PIGQ: variants seen among roughly 807,000 people sequenced by gnomAD.
PIGQ encodes phosphatidylinositol glycan anchor biosynthesis class Q.
In PIGQ, 54 loss-of-function variants were observed where a neutral mutation model predicts 60.3. That is an observed-to-expected ratio of 0.90 (90% confidence interval 0.72 to 1.12). The LOEUF (loss-of-function observed/expected upper bound fraction) is 1.12. PIGQ is among the 50% of genes most tolerant of loss of function. The pLI, the probability that PIGQ is intolerant of heterozygous loss-of-function variation, is 0.00. For missense variants in PIGQ, 799 were observed against 793.5 expected (o/e 1.01, Z -0.08); for synonymous variants, 416 against 363.7 (o/e 1.14, Z -1.64).
In PIGQ at chr16:581,371, CCCCGTCCACTCAACAGCACAGCCTGCG is replaced by C. The variant is rs552088954; in HGVS notation, c.1531+407_1531+433del. ...GTGCCCCGTCCGCTGTGCCGGAAAA[CCCCGTCCACTCAACAGCACAGCCTGCG>C]CCCGTCCCTCACTGGGGCTCTTCCC... On this transcript the variant is annotated intron_variant, in intron 9 of 10. Coordinates refer to ENST00000321878, the MANE Select transcript of PIGQ (RefSeq NM_004204.5). 4.5e-4 allele frequency: 535 copies of C among 1,182,542 alleles called. 9 individuals carry two copies. The South Asian group carries it at 8.2e-3, about 18-fold the overall frequency. The allele number at this position is 1,182,542 out of a possible 1,614,324, so 73.3% of individuals were successfully genotyped here.
rs750144509 is a variant in PIGQ, at chr16:578,540, C to G, written c.1069+35C>G. The stretch of plus-strand genomic sequence containing the variant: ...GGGCAGGCGGGGGCCCCAGGGACCC[C>G]AGAGCTTGCTGAAGAGGGTAGGGAC... On this transcript the variant is annotated intron_variant, in intron 5 of 10. Coordinates refer to ENST00000321878, the MANE Select transcript of PIGQ (RefSeq NM_004204.5). The G allele has an allele frequency of 1.2e-5, 19 of 1,600,982 alleles. No homozygotes were observed. In the Admixed American group the frequency reaches 1.5e-4, roughly 13 times the overall value.
At chr16:580,388 C>T (rs1278263656) in intron 8 of PIGQ, 125 bp downstream of exon 8, 1 of 707,854 alleles carries the variant, frequency 1.4e-6, no homozygotes, top group Non-Finnish European at 2.4e-6. Context: ...GGTGGCCTTT[C>T]AGGACCCTCT....
chr16:572,618 CTAA>C lies in PIGQ; in HGVS notation c.-9-1447_-9-1445del, dbSNP rs1489733091. On this transcript the variant is annotated intron_variant, in intron 1 of 10. Transcript: ENST00000321878. ...GGCATCCTGGTCTGTTCCCTCATCC[CTAA>C]GGGCGTGGTGGGCTCTGAGACCTCC... 74 of 452,950 alleles carry C rather than the reference CTAA, an allele frequency of 1.6e-4. 2 individuals are homozygous for C. Among genetic ancestry groups the C allele is most frequent in the South Asian group, 8.8e-4 (56 of 63,486 alleles). The allele number at this position is 452,950 out of a possible 1,614,324, so 28.1% of individuals were successfully genotyped here. A position where few individuals can be genotyped will look rare whatever the true frequency, so the allele number is the denominator to read the frequency against.
At chr16:580,384 CT>C in intron 8 of PIGQ, 121 bp downstream of exon 8, 4 of 715,198 alleles carry the variant, frequency 5.6e-6, no homozygotes, top group Non-Finnish European at 9.5e-6. Flanking sequence ...CGTGGGTGGC[CT>C]TTCAGGACCC....
At chr16:579,003 G>A (rs1596385823) in intron 6 of PIGQ, 65 bp downstream of exon 6, 7 of 1,461,578 alleles carry the variant, frequency 4.8e-6, no homozygotes, top group South Asian at 1.2e-5. Context: ...CTGGGCGGGC[G>A]TTCGAGTGGG....
chr16:575,036 C>T (rs1034701944), intron 2 of PIGQ, among the ~76,000 whole-genome samples: 1 of 152,164 alleles, frequency 6.6e-6, no homozygotes, highest in Non-Finnish European at 1.5e-5. Context: ...ACCTCAGTGG[C>T]TTAGGTCCCT....
rs552295452 is a variant in PIGQ, at chr16:578,288, C to T, written c.943-91C>T. 114 of 1,387,362 alleles carry T rather than the reference C, an allele frequency of 8.2e-5. No individual in the cohort carries two copies. The East Asian group carries it at 2.8e-3, about 34-fold the overall frequency. 85.9% of individuals were successfully genotyped at this position (1,387,362 alleles called of 1,614,324 possible). ...AGACCCTGGAGGAGGGAAGGCTGGC[C>T]AAGGTGGGAGCCCATCACGAAAGAG... On this transcript the variant is annotated intron_variant, in intron 4 of 10. Transcript: ENST00000321878.
chr16:580,192 G>A lies in PIGQ; in HGVS notation c.1345G>A (p.Gly449Arg), dbSNP rs1361495767. Reference protein sequence around the residue: ...CSYDLDQLFIGTLLFTILLFL... With the variant: ...CSYDLDQLFIRTLLFTILLFL... ...TGGCCCCTCCCTACAGCTGTTCATC[G>A]GGACTCTGCTCTTCACCATCCTGCT... The change falls in exon 8 of 11, where the codon GGG (glycine) becomes AGG (arginine). Residue 449 changes from glycine (G) to arginine (R), a missense_variant. Coordinates refer to ENST00000321878, the MANE Select transcript of PIGQ (RefSeq NM_004204.5). The A allele has an allele frequency of 2.7e-5, 44 of 1,611,550 alleles. No homozygotes were observed. Among genetic ancestry groups the A allele is most frequent in the South Asian group, 3.3e-5 (3 of 90,866 alleles).
rs1322558646 is a variant in PIGQ at position 580,390 on chromosome 16, G to A, written c.1416+127G>A. 11 of 691,902 alleles carry A rather than the reference G, an allele frequency of 1.6e-5. No homozygotes were observed. The African/African-American group carries it at 2.0e-4, about 12-fold the overall frequency. The allele number at this position is 691,902 out of a possible 1,614,324, so 42.9% of individuals were successfully genotyped here. On this transcript the variant is annotated intron_variant, in intron 8 of 10. Coordinates refer to ENST00000321878, the MANE Select transcript of PIGQ (RefSeq NM_004204.5). ...TGCAGGCCACGTGGGTGGCCTTTCA[G>A]GACCCTCTGGGCAGTGAGTGCTGCG... is the stretch of plus-strand genomic sequence containing the variant.
Position 575,976 on chromosome 16 carries a change from G to T in PIGQ, c.821+6G>T. 6.3e-7 allele frequency: 1 copy of T among 1,579,268 alleles called. No homozygotes were observed. The highest frequency in any genetic ancestry group is 8.6e-7 in the Non-Finnish European group (1 of 1,162,962). Reference sequence around the variant, plus strand: ...AACCCTGCCCAGCTGATGAGGTGTGGGCCTGCCCTGGTCTCTGCAGGGCTG... The same window carrying T: ...AACCCTGCCCAGCTGATGAGGTGTGTGCCTGCCCTGGTCTCTGCAGGGCTG... On this transcript the variant is annotated splice_donor_region_variant and intron_variant, in intron 3 of 10. Coordinates refer to ENST00000321878, the MANE Select transcript of PIGQ (RefSeq NM_004204.5).
In PIGQ at chr16:578,759, C is replaced by A. The variant is rs758153909; in HGVS notation, c.1070-26C>A. ...GCCGAGGGCTGGGGTCTGAGCGCCT[C>A]CTGAGGGCCTACCCCACCCTGCCAG... On this transcript the variant is annotated intron_variant, in intron 5 of 10. Coordinates refer to ENST00000321878, the MANE Select transcript of PIGQ (RefSeq NM_004204.5). 19 of 1,609,440 alleles carry A rather than the reference C, an allele frequency of 1.2e-5. No individual in the cohort carries two copies. The East Asian group carries it at 4.2e-4, about 36-fold the overall frequency.
chr16:575,006 C>T (rs1276324026), intron 2 of PIGQ, among the ~76,000 whole-genome samples: 2 of 152,186 alleles, frequency 1.3e-5, no homozygotes, highest in Non-Finnish European at 2.9e-5. Flanking sequence ...AGGGGCCCTC[C>T]CAGAAGGTGT....
rs373040276 is a variant in PIGQ, at chr16:574,653, G to A, written c.579G>A (p.Ser193=). The A allele has an allele frequency of 3.6e-5, 58 of 1,607,446 alleles. No individual in the cohort carries two copies. The highest frequency in any genetic ancestry group is 3.3e-4 in the African/African-American group (25 of 74,840). ...CCGTGCGGCTGAGCCACTGGCAGTCGGAGGGCGTGGAGGCCAGCATCCTCG... is the reference window on the plus strand; with the variant it reads ...CCGTGCGGCTGAGCCACTGGCAGTCAGAGGGCGTGGAGGCCAGCATCCTCG... ...EGPVRLSHWQ[S]EGVEASILAE... The change falls in exon 2 of 11, where the codon TCG becomes TCA. Residue 193 remains serine (S), a synonymous_variant. Transcript: ENST00000321878.
In PIGQ at chr16:583,458, C is replaced by T; in HGVS notation, c.*423C>T. ...TGCCCTGGCTGTGGGGGTGGAGGGA[C>T]CTTGCCAGGATGAACCCCCCAGTCC... On this transcript the variant is annotated 3_prime_UTR_variant, in exon 11 of 11. Coordinates refer to ENST00000321878, the MANE Select transcript of PIGQ (RefSeq NM_004204.5). The T allele has an allele frequency of 6.2e-7, 1 of 1,612,654 alleles. No individual in the cohort carries two copies.
intron 2 of PIGQ, 105 bp downstream of exon 2, chr16:574,868 G>A: frequency 1.1e-6 from 1 of 942,998 alleles, no homozygotes; most frequent in Non-Finnish European, 1.5e-6. Context: ...CTCTTCCTGG[G>A]CCCGGGCCCC....
Position 579,118 on chromosome 16 carries a change from C to T in PIGQ, c.1273C>T (p.Arg425Trp), listed in dbSNP as rs748937327. ...CCTGTCCTCACTGTGGCGTCTGTTC[C>T]GGGGGAAGAAGTGGAACGTTCTGCG... is the stretch of plus-strand genomic sequence containing the variant. Reference protein sequence around the residue: ...HGLSSLWRLFRGKKWNVLRQR... With the variant: ...HGLSSLWRLFWGKKWNVLRQR... The change falls in exon 7 of 11, where the codon CGG becomes TGG. Residue 425 changes from arginine to tryptophan, a missense_variant. Physicochemically the swap from Arg to Trp is moderately radical, Grantham distance 101 (BLOSUM62 -3). Transcript: ENST00000321878. The T allele has an allele frequency of 5.0e-6, 8 of 1,612,866 alleles. No individual in the cohort carries two copies. Among genetic ancestry groups the T allele is most frequent in the Middle Eastern group, 1.6e-4 (1 of 6,084 alleles).
At chr16:576,429 C>T in intron 4 of PIGQ, 175 bp downstream of exon 4, 1 of 767,688 alleles carries the variant, frequency 1.3e-6, no homozygotes, top group Non-Finnish European at 2.0e-6. Context: ...GCGCTGGGGC[C>T]TGGGCAGGGC....
In PIGQ at chr16:583,159, A is replaced by G. The variant is rs1567178475; in HGVS notation, c.*124A>G. 2 of 1,613,288 alleles carry G rather than the reference A, an allele frequency of 1.2e-6. No individual in the cohort carries two copies. The highest frequency in any genetic ancestry group is 1.3e-5 in the African/African-American group (1 of 75,026). ...TGGACGCTGCTGTGTGCTCCTGAAC[A>G]CGGCAGGCCCTGCTATCACACCTTG... On this transcript the variant is annotated 3_prime_UTR_variant, in exon 11 of 11. Transcript: ENST00000321878.
chr16:581,116 A>G, intron 9 of PIGQ, 144 bp downstream of exon 9: 6 of 1,411,520 alleles, frequency 4.3e-6, no homozygotes, highest in Admixed American at 4.3e-5. Context: ...CAGGGAGGAC[A>G]GGGCCTCCTA....
Sources: allele counts gnomAD v4.1 joint callset (sites outside exome capture counted in the v4.1 genomes callset), GRCh38; gene constraint gnomAD v4.1.1; transcripts MANE v1.5; gene names NCBI Gene and HGNC (gene_info 2026-07-23, HGNC 2026-07-21).